The following NELL1 variants were observed in gnomAD, a reference collection of about 807,000 sequenced individuals.
NELL1 encodes protein kinase C-binding protein NELL1.
A neutral mutation model predicts 107.4 loss-of-function variants in NELL1; 76 were observed. The ratio of observed to expected loss-of-function variants is 0.71; its 90% CI spans 0.59 to 0.86. NELL1 has a LOEUF of 0.86. Among genes scored for constraint, NELL1 ranks in the 40% least tolerant of loss-of-function variants. NELL1 has a pLI of 0.00. For missense variants in NELL1, 1,024 were observed against 1,005.5 expected (o/e 1.02, Z -0.25); for synonymous variants, 353 against 341.2 (o/e 1.03, Z -0.38).
At chr11:21,043,992 G>T (rs1315501826) in intron 12 of NELL1, among the ~76,000 whole-genome samples, 1 of 152,154 alleles carries the variant, frequency 6.6e-6, no homozygotes, top group African/African-American at 2.4e-5. Context: ...TAAGTTCAAA[G>T]ATATCTGCTA....
At chr11:21,122,324 G>A (rs73464406) in intron 13 of NELL1, among the ~76,000 whole-genome samples, 1,998 of 152,224 alleles carry the variant, frequency 0.013, 40 homozygotes, top group African/African-American at 0.045. Flanking sequence ...ATGCTTTAGC[G>A]CTTACAAAAT....
chr11:21,154,647 G>C (rs1856191622), intron 13 of NELL1, among the ~76,000 whole-genome samples: 1 of 152,104 alleles, frequency 6.6e-6, no homozygotes. Flanking sequence ...TGAAGGAGGA[G>C]AGATTAATGT....
chr11:21,439,683 G>T (rs1853229220), intron 15 of NELL1, among the ~76,000 whole-genome samples: 1 of 152,108 alleles, frequency 6.6e-6, no homozygotes, highest in Non-Finnish European at 1.5e-5. Flanking sequence ...CCAAGTCAAT[G>T]AGCATCCCAG....
chr11:21,127,755 A>G (rs1188899146), intron 13 of NELL1, among the ~76,000 whole-genome samples: 1 of 152,232 alleles, frequency 6.6e-6, no homozygotes, highest in African/African-American at 2.4e-5. Context: ...TACATTGTGG[A>G]AATCACACTA....
chr11:20,833,146 T>A (rs932748173), intron 3 of NELL1, among the ~76,000 whole-genome samples: 1 of 152,336 alleles, frequency 6.6e-6, no homozygotes, highest in Middle Eastern at 3.4e-3. Context: ...ATCATTTAAC[T>A]TCTCTCTGAC....
chr11:20,715,138 G>A lies in NELL1; in HGVS notation c.184+37078G>A, dbSNP rs568341721. On this transcript the variant is annotated intron_variant, in intron 2 of 19. Transcript: ENST00000357134. ...CGGGCGCCTGTAGTCCCAGCTACTC[G>A]GGACCCTGAGGCAGGAGAATGGCGT... Among the ~76,000 whole-genome samples, 72 of 152,002 alleles carry A rather than the reference G, an allele frequency of 4.7e-4. No individual in the cohort carries two copies. The South Asian group carries it at 0.014, about 30-fold the overall frequency.
At chr11:21,038,864 G>A (rs1853159062) in intron 12 of NELL1, among the ~76,000 whole-genome samples, 1 of 152,176 alleles carries the variant, frequency 6.6e-6, no homozygotes, top group South Asian at 2.1e-4. Flanking sequence ...GTTTATTTCA[G>A]ATGATTTTTT....
chr11:21,197,418 CAAA>C (rs58951508), intron 13 of NELL1, among the ~76,000 whole-genome samples: 110,876 of 142,648 alleles, frequency 0.78, 43,390 homozygotes, highest in Non-Finnish European at 0.84. Flanking sequence ...AACAAACAAC[CAAA>C]AAAAAAAAAA....
At chr11:20,941,317 T>G (rs1850850159) in intron 10 of NELL1, among the ~76,000 whole-genome samples, 1 of 152,168 alleles carries the variant, frequency 6.6e-6, no homozygotes, top group Non-Finnish European at 1.5e-5. Context: ...ACTTCTTCCC[T>G]CTGGAGGATA....
At chr11:21,330,230 G>T (rs1850240404) in intron 14 of NELL1, among the ~76,000 whole-genome samples, 1 of 151,914 alleles carries the variant, frequency 6.6e-6, no homozygotes, top group Admixed American at 6.6e-5. Context: ...ATCATATTAT[G>T]CAATTCCATT....
chr11:21,057,886 G>A lies in NELL1; in HGVS notation c.1301-55703G>A, dbSNP rs1173434799. 2.0e-5 allele frequency among the ~76,000 whole-genome samples: 3 copies of A among 151,988 alleles called. No homozygotes were observed. The East Asian group carries it at 5.8e-4, about 29-fold the overall frequency. ...TAATACTAGAATTATTTCCAAACAT[G>A]CTTACATGGTTTAAAGAAACTGTTA... On this transcript the variant is annotated intron_variant, in intron 12 of 19. Transcript: ENST00000357134.
chr11:21,065,070 G>GTCTTATGATTGATTATGACATA (rs1199218162), intron 12 of NELL1, among the ~76,000 whole-genome samples: 1 of 152,060 alleles, frequency 6.6e-6, no homozygotes, highest in African/African-American at 2.4e-5. Context: ...GTCTGATTAT[G>GTCTTATGATTGATTATGACATA]TCATCTTCTT....
chr11:20,705,128 C>T (rs1034866747), intron 2 of NELL1, among the ~76,000 whole-genome samples: 2 of 152,118 alleles, frequency 1.3e-5, no homozygotes, highest in Non-Finnish European at 2.9e-5. Flanking sequence ...CATCAAGCTA[C>T]CAATGGCTTT....
chr11:20,763,236 A>C (rs974595726), intron 2 of NELL1, among the ~76,000 whole-genome samples: 2 of 152,052 alleles, frequency 1.3e-5, no homozygotes, highest in African/African-American at 2.4e-5. Context: ...CTGGGTTGTA[A>C]GCTATTTGAG....
At chr11:21,496,231 C>A (rs1854973375) in intron 15 of NELL1, among the ~76,000 whole-genome samples, 1 of 151,916 alleles carries the variant, frequency 6.6e-6, no homozygotes, top group East Asian at 1.9e-4. Context: ...AGCCAGTTAC[C>A]ACATATTATC....
chr11:21,248,894 A>G (rs532526705), intron 14 of NELL1, among the ~76,000 whole-genome samples: 3 of 152,156 alleles, frequency 2.0e-5, no homozygotes, highest in East Asian at 3.9e-4. Context: ...AATGAGTCTC[A>G]TTTTTCTACT....
intron 2 of NELL1, among the ~76,000 whole-genome samples, chr11:20,755,615 G>A (rs951295618): frequency 6.9e-6 from 1 of 145,518 alleles, no homozygotes; most frequent in African/African-American, 2.6e-5. Flanking sequence ...GAGTACAGTG[G>A]CACGATCTCA....
chr11:21,450,966 G>A (rs1390094359), intron 15 of NELL1, among the ~76,000 whole-genome samples: 2 of 151,788 alleles, frequency 1.3e-5, no homozygotes, highest in African/African-American at 4.8e-5. Context: ...CGAGGCGGGC[G>A]GATCATGAGG....
intron 13 of NELL1, among the ~76,000 whole-genome samples, chr11:21,161,122 C>T (rs190041857): frequency 3.3e-5 from 5 of 152,050 alleles, no homozygotes; most frequent in Admixed American, 2.0e-4. Flanking sequence ...AACAATACCA[C>T]GAAGAGCTCA....
Sources: gnomAD v4.1 joint callset for allele counts (sites outside exome capture counted in the v4.1 genomes callset) on GRCh38, gnomAD v4.1.1 for gene constraint, MANE v1.5 for transcripts, NCBI Gene and HGNC (gene_info 2026-07-23, HGNC 2026-07-21) for gene names.